Variants in TMEM181 observed in about 807,000 individuals in gnomAD.
The protein encoded by TMEM181 is transmembrane protein 181, also known as G protein-coupled receptor 178.
Under a neutral mutation model 71.9 loss-of-function variants are expected in TMEM181, and 39 were observed. The ratio of observed to expected loss-of-function variants is 0.54; its 90% CI spans 0.42 to 0.71. The LOEUF (loss-of-function observed/expected upper bound fraction) is 0.71, where lower values mean the gene tolerates loss of function less well. Ranked by LOEUF, TMEM181 falls within the 30% of genes least tolerant of loss-of-function variation. The pLI is 0.00. For missense variants in TMEM181, 595 were observed against 583.0 expected, an observed-to-expected ratio of 1.02 and a Z score of -0.21; for synonymous variants, 245 against 228.8, an observed-to-expected ratio of 1.07 and a Z score of -0.64.
intron 10 of TMEM181, among the ~76,000 whole-genome samples, chr6:158,618,131 C>G (rs181695867): frequency 1.5e-4 from 22 of 151,296 alleles, no homozygotes; most frequent in Middle Eastern, 6.8e-3. Flanking sequence ...TTGTAGGTCT[C>G]TAAGGACTTG....
At chr6:158,590,991 G>A (rs1045445709) in intron 6 of TMEM181, among the ~76,000 whole-genome samples, 14 of 152,186 alleles carry the variant, frequency 9.2e-5, no homozygotes, top group Admixed American at 7.9e-4. Flanking sequence ...TTCACTTAGC[G>A]TGATGTCTCA....
At chr6:158,537,612 T>TG (rs775348943) in intron 1 of TMEM181, among the ~76,000 whole-genome samples, 13 of 152,308 alleles carry the variant, frequency 8.5e-5, no homozygotes, top group Non-Finnish European at 1.6e-4. Flanking sequence ...CCCAAAGGCT[T>TG]GGCGGTGTCG....
chr6:158,607,234 T>G lies in TMEM181; in HGVS notation c.574-10T>G. The G allele has an allele frequency of 1.2e-6, 2 of 1,612,454 alleles. No individual in the cohort carries two copies. Among genetic ancestry groups the G allele is most frequent in the Non-Finnish European group, 1.7e-6 (2 of 1,178,604 alleles). ...AAAGGCAGTAACTGGAGGCCTGATT[T>G]GGTTTGCAGTGCCTGTTTGCGCATT... On this transcript the variant is annotated splice_polypyrimidine_tract_variant and intron_variant, in intron 7 of 16. Transcript: ENST00000684151.
At chr6:158,612,383 T>C (rs905154081) in intron 10 of TMEM181, among the ~76,000 whole-genome samples, 5 of 152,070 alleles carry the variant, frequency 3.3e-5, no homozygotes, top group African/African-American at 1.2e-4. Context: ...AGGTAGAGAG[T>C]CCCTTGGTCT....
rs1786784902 is a variant in TMEM181, at chr6:158,633,707, T to C, written c.*1819T>C. The C allele has an allele frequency of 6.6e-6, 1 of 152,220 alleles. No homozygotes were observed. Among genetic ancestry groups the C allele is most frequent in the Non-Finnish European group, 1.5e-5 (1 of 68,028 alleles). The allele number at this position is 152,220 out of a possible 1,614,324, so 9.4% of individuals were successfully genotyped here. On this transcript the variant is annotated 3_prime_UTR_variant, in exon 17 of 17. Coordinates refer to ENST00000684151, the MANE Select transcript of TMEM181 (RefSeq NM_001376852.1). ...AATGTACTTTTAATATGGATTCTAT[T>C]CACATTTGTTTTAAAAACCTTGTAA...
At chr6:158,601,504 T>C (rs1784667943) in intron 6 of TMEM181, among the ~76,000 whole-genome samples, 1 of 152,032 alleles carries the variant, frequency 6.6e-6, no homozygotes, top group African/African-American at 2.4e-5. Flanking sequence ...CTCACACCTG[T>C]AATCCCAGCA....
intron 10 of TMEM181, among the ~76,000 whole-genome samples, chr6:158,617,436 C>A (rs1371225474): frequency 6.7e-6 from 1 of 150,280 alleles, no homozygotes; most frequent in East Asian, 2.1e-4. Flanking sequence ...CTCCTGGATT[C>A]ATTGATTTTT....
At chr6:158,611,366 G>T in intron 10 of TMEM181, 1 of 530,000 alleles carries the variant, frequency 1.9e-6, no homozygotes, top group Non-Finnish European at 3.8e-6. Flanking sequence ...TTCCTTTTCG[G>T]CATTGATTTC....
chr6:158,569,597 CTTT>C (rs57907555), intron 1 of TMEM181, among the ~76,000 whole-genome samples: 2 of 139,910 alleles, frequency 1.4e-5, no homozygotes, highest in Non-Finnish European at 3.1e-5. Flanking sequence ...TGCCCTTTCT[CTTT>C]TTTTTTTTTT....
At chr6:158,625,661 A>G in intron 12 of TMEM181, 42 bp from the exon 13 acceptor site, 1 of 1,526,602 alleles carries the variant, frequency 6.6e-7, no homozygotes, top group Non-Finnish European at 8.9e-7. Flanking sequence ...ATGCAAGTGG[A>G]ATTTACTTCC....
At chr6:158,544,800 T>C (rs1781471720) in intron 1 of TMEM181, among the ~76,000 whole-genome samples, 1 of 152,174 alleles carries the variant, frequency 6.6e-6, no homozygotes, top group Non-Finnish European at 1.5e-5. Flanking sequence ...CCTGCTCTTT[T>C]TATAACAGGG....
At chr6:158,600,387 C>A (rs1014762220) in intron 6 of TMEM181, among the ~76,000 whole-genome samples, 1 of 150,842 alleles carries the variant, frequency 6.6e-6, no homozygotes, top group South Asian at 2.1e-4. Flanking sequence ...TGACCTCAGG[C>A]GATCCACCCG....
intron 1 of TMEM181, among the ~76,000 whole-genome samples, chr6:158,548,494 A>T (rs1222565454): frequency 1.3e-5 from 2 of 152,320 alleles, no homozygotes; most frequent in East Asian, 1.9e-4. Flanking sequence ...TTCAGTGCTC[A>T]TACTTGGAAA....
intron 5 of TMEM181, among the ~76,000 whole-genome samples, chr6:158,586,242 C>T (rs969390314): frequency 6.6e-6 from 1 of 152,204 alleles, no homozygotes; most frequent in African/African-American, 2.4e-5. Flanking sequence ...AACCAGATCC[C>T]TGCTAGAGCG....
intron 7 of TMEM181, among the ~76,000 whole-genome samples, chr6:158,606,468 G>C (rs1252092378): frequency 1.3e-5 from 2 of 152,206 alleles, no homozygotes; most frequent in Non-Finnish European, 2.9e-5. Flanking sequence ...CCACACTCTG[G>C]AGTCCAAAGA....
At chr6:158,617,811 G>A (rs1167174664) in intron 10 of TMEM181, among the ~76,000 whole-genome samples, 2 of 152,200 alleles carry the variant, frequency 1.3e-5, no homozygotes, top group African/African-American at 4.8e-5. Context: ...TTAATCCTGA[G>A]TTCTAATTTG....
intron 14 of TMEM181, among the ~76,000 whole-genome samples, chr6:158,628,947 C>G (rs1786503415): frequency 6.6e-6 from 1 of 152,240 alleles, no homozygotes; most frequent in Non-Finnish European, 1.5e-5. Context: ...GGATATCTCT[C>G]TCATCATCAC....
At chr6:158,614,639 C>A (rs554282121) in intron 10 of TMEM181, among the ~76,000 whole-genome samples, 1 of 152,258 alleles carries the variant, frequency 6.6e-6, no homozygotes, top group East Asian at 1.9e-4. Context: ...CTCCAACCTC[C>A]CCCCACCCTA....
At chr6:158,615,936 C>T (rs1418053008) in intron 10 of TMEM181, among the ~76,000 whole-genome samples, 4 of 152,124 alleles carry the variant, frequency 2.6e-5, no homozygotes, top group Non-Finnish European at 5.9e-5. Context: ...CAGCTTTGTT[C>T]TTTTTGCTTA....
Sources: gnomAD v4.1 joint callset for allele counts (sites outside exome capture counted in the v4.1 genomes callset) on GRCh38, gnomAD v4.1.1 for gene constraint, MANE v1.5 for transcripts, NCBI Gene and HGNC (gene_info 2026-07-23, HGNC 2026-07-21) for gene names.